The following LTBP4 variants were observed in gnomAD, a reference collection of about 807,000 sequenced individuals.
The protein encoded by LTBP4 is latent-transforming growth factor beta-binding protein 4.
In LTBP4, 93 loss-of-function variants were observed where a neutral mutation model predicts 180.2. That is an observed-to-expected ratio of 0.52 (90% CI 0.44 to 0.61). The LOEUF (loss-of-function observed/expected upper bound fraction) is 0.61. Ranked by LOEUF, LTBP4 falls within the 20% of genes least tolerant of loss-of-function variation. LTBP4 has a pLI of 0.00. For missense variants in LTBP4, 2,116 were observed against 2,256.5 expected, an observed-to-expected ratio of 0.94 and a Z score of 1.26; for synonymous variants, 947 against 934.5, an observed-to-expected ratio of 1.01 and a Z score of -0.24.
At chr19:40,597,263 G>C (rs1261826857), upstream of LTBP4, 1 of 1,510,108 alleles carries the variant, frequency 6.6e-7, no homozygotes, top group Non-Finnish European at 8.8e-7. Flanking sequence ...AGCGGCCGCC[G>C]CCCCCTCCTG....
chr19:40,619,647 G>C (rs1231606908), intron 22 of LTBP4, among the ~76,000 whole-genome samples, 154 bp downstream of exon 22: 1 of 152,226 alleles, frequency 6.6e-6, no homozygotes, highest in Non-Finnish European at 1.5e-5. Flanking sequence ...TAGTGAGACT[G>C]TGTCAGGAGA....
chr19:40,609,641 C>T lies in LTBP4; in HGVS notation c.1538C>T (p.Pro513Leu), dbSNP rs779822161. 19 of 1,613,094 alleles carry T rather than the reference C, an allele frequency of 1.2e-5. No individual in the cohort carries two copies. The highest frequency in any genetic ancestry group is 1.7e-5 in the Admixed American group (1 of 59,988). ...TGCGACTCTGGCTTCCGGCTCAGCC[C>T]CCAGGGCACCCGATGCATTGGTGAG... The part of the protein sequence containing the change: ...CACDSGFRLS[P>L]QGTRCIDVDE... Residue 513 changes from proline to leucine, a missense_variant, in exon 10 of 30, where the codon CCC becomes CTC. By Grantham distance (98) the Pro-to-Leu change is moderately conservative. Transcript: ENST00000396819. This position sits in a 1 kb window ranked among gnomAD's most constrained non-coding sequence, Gnocchi z 4.9.
upstream of LTBP4, chr19:40,600,105 C>T (rs983264521): frequency 3.2e-6 from 4 of 1,258,912 alleles, no homozygotes; most frequent in Non-Finnish European, 4.0e-6. This position sits in a 1 kb window ranked among gnomAD's most constrained non-coding sequence, Gnocchi z 4.4. Flanking sequence ...GCGGCGGCGG[C>T]CCCGGGGGCC....
At chr19:40,619,233 G>C in intron 21 of LTBP4, 114 bp from the exon 22 acceptor site, 1 of 1,063,762 alleles carries the variant, frequency 9.4e-7, no homozygotes, top group Non-Finnish European at 1.4e-6. Context: ...CAGATGATGG[G>C]ATCTGGGCCA....
chr19:40,613,495 C>T lies in LTBP4; in HGVS notation c.2523C>T (p.Gly841=), dbSNP rs1266407708. 3.2e-6 allele frequency: 5 copies of T among 1,582,706 alleles called. No individual in the cohort carries two copies. Among genetic ancestry groups the T allele is most frequent in the Non-Finnish European group, 4.3e-6 (5 of 1,165,244 alleles). The change falls in exon 17 of 30, where the codon GGC becomes GGT. Residue 841 remains glycine, a synonymous_variant. Coordinates refer to ENST00000396819, the MANE Select transcript of LTBP4 (RefSeq NM_001042545.2). This position sits in a 1 kb window ranked among gnomAD's most constrained non-coding sequence, Gnocchi z 5.0. ...CCTTTGCCTGTACTTGTGCCCCTGG[C>T]TACCGACCCGGACCCCGCGGAGCCT... ...DGSFACTCAP[G]YRPGPRGASC... is the part of the protein sequence containing the mutation.
rs1202730026 is a variant in LTBP4 at position 40,605,818 on chromosome 19, C to T, written c.780C>T (p.Cys260=). Residue 260 remains cysteine, a synonymous_variant, in exon 4 of 30, where the codon TGC becomes TGT. Transcript: ENST00000396819. The surrounding 1 kb of genome is among the most constrained non-coding windows in gnomAD (Gnocchi z 5.5). ...LAWGVHDCQL[C]SERLGNSERV... Reference sequence around the variant, plus strand: ...GGGGCGTTCACGACTGTCAGCTGTGCTCCGAGCGCCTGGGTAAGCCCCAGG... The same window carrying T: ...GGGGCGTTCACGACTGTCAGCTGTGTTCCGAGCGCCTGGGTAAGCCCCAGG... 10 of 1,538,210 alleles carry T rather than the reference C, an allele frequency of 6.5e-6. No homozygotes were observed. Among genetic ancestry groups the T allele is most frequent in the Admixed American group, 2.0e-5 (1 of 50,978 alleles).
rs2081638052 is a variant in LTBP4, at chr19:40,626,983, G to A, written c.3994G>A (p.Glu1332Lys). 14 of 1,554,662 alleles carry A rather than the reference G, an allele frequency of 9.0e-6. No individual in the cohort carries two copies. The highest frequency in any genetic ancestry group is 1.2e-5 in the South Asian group (1 of 82,330). ...TTGGCTCCTGTTCCCAGATGACTTCGAGGCCCTGTGCAATGTGCTACGCCC... is the reference window on the plus strand; with the variant it reads ...TTGGCTCCTGTTCCCAGATGACTTCAAGGCCCTGTGCAATGTGCTACGCCC... ...LCPAQDSDDF[E>K]ALCNVLRPPA... is the part of the protein sequence containing the mutation. Residue 1332 changes from glutamate (E) to lysine (K), a missense_variant, in exon 28 of 30, where the codon GAG becomes AAG. By Grantham distance (56) the Glu-to-Lys change is moderately conservative. Around this residue, in one of 5 missense-constraint regions of LTBP4, gnomAD observed 488 missense variants for 458.8 expected, o/e 1.06. Transcript: ENST00000396819.
chr19:40,595,716 G>A (rs2081386299), intron 1 of LTBP4, among the ~76,000 whole-genome samples: 1 of 151,792 alleles, frequency 6.6e-6, no homozygotes, highest in African/African-American at 2.4e-5. Context: ...CTTTTATATA[G>A]TTTTATGTAT....
chr19:40,613,552 G>A lies in LTBP4; in HGVS notation c.2557+23G>A. ...TCGGTTCGTACCCGGGCTGATCCTG[G>A]CCCCGGAAAGGGTGGGCTTAGGGCA... On this transcript the variant is annotated intron_variant, in intron 17 of 29. Coordinates refer to ENST00000396819, the MANE Select transcript of LTBP4 (RefSeq NM_001042545.2). This position sits in a 1 kb window ranked among gnomAD's most constrained non-coding sequence, Gnocchi z 5.0. The A allele has an allele frequency of 6.4e-7, 1 of 1,557,086 alleles. No individual in the cohort carries two copies. Among genetic ancestry groups the A allele is most frequent in the Non-Finnish European group, 8.7e-7 (1 of 1,152,678 alleles).
Position 40,629,446 on chromosome 19 carries a change from G to A in LTBP4, c.4570G>A (p.Ala1524Thr), listed in dbSNP as rs931998960. 5.6e-6 allele frequency: 9 copies of A among 1,612,376 alleles called. No homozygotes were observed. In the African/African-American group the frequency reaches 6.7e-5, roughly 12 times the overall value. The change falls in exon 30 of 30, where the codon GCG (alanine) becomes ACG (threonine). Residue 1524 changes from alanine (A) to threonine (T), a missense_variant. By Grantham distance (58) the Ala-to-Thr change is moderately conservative (BLOSUM62 0). Transcript: ENST00000396819. This position sits in a 1 kb window ranked among gnomAD's most constrained non-coding sequence, Gnocchi z 4.5. ...AEAASPLCVN[A>T]RCLNTDGSFR... ...GGCTGCCTCCCCGCTGTGCGTCAACGCGCGTTGCCTCAACACGGATGGCTC... is the reference window on the plus strand; with the variant it reads ...GGCTGCCTCCCCGCTGTGCGTCAACACGCGTTGCCTCAACACGGATGGCTC...
At chr19:40,600,337 GT>G (rs2146014009), upstream of LTBP4, among the ~76,000 whole-genome samples, 1 of 152,270 alleles carries the variant, frequency 6.6e-6, no homozygotes, top group East Asian at 1.9e-4. This position sits in a 1 kb window ranked among gnomAD's most constrained non-coding sequence, Gnocchi z 4.4. Context: ...GCGTCCGGCC[GT>G]GCGAGGTGAG....
upstream of LTBP4, among the ~76,000 whole-genome samples, chr19:40,596,762 G>T (rs927725834): frequency 6.6e-6 from 1 of 152,112 alleles, no homozygotes; most frequent in Admixed American, 6.6e-5. Context: ...GGGTACCCGT[G>T]GGGGGCTTCC....
In LTBP4 at chr19:40,612,157, C is replaced by T. The variant is rs565966095; in HGVS notation, c.2264C>T (p.Pro755Leu). ...SPGSFQCRTCPSGHHLHRGRC... is the reference protein window; with the variant it reads ...SPGSFQCRTCLSGHHLHRGRC... ...GGCTCCTTCCAGTGCAGGACCTGTCCTTCTGGCCACCACCTGCACCGTGGC... is the reference window on the plus strand; with the variant it reads ...GGCTCCTTCCAGTGCAGGACCTGTCTTTCTGGCCACCACCTGCACCGTGGC... Residue 755 changes from proline (P) to leucine (L), a missense_variant, in exon 15 of 30, where the codon CCT (proline) becomes CTT (leucine). By Grantham distance (98) the Pro-to-Leu change is moderately conservative. Around this residue, in one of 5 missense-constraint regions of LTBP4, gnomAD observed 877 missense variants for 873.6 expected, o/e 1.00. Transcript: ENST00000396819. The T allele has an allele frequency of 2.5e-6, 4 of 1,611,286 alleles. No homozygotes were observed. In the African/African-American group the frequency reaches 4.0e-5, roughly 16 times the overall value.
Position 40,605,488 on chromosome 19 carries a change from C to A in LTBP4, c.526C>A (p.Pro176Thr). ...GCACCAGGTGGAGCGTGTGTCTGGC[C>A]CTTGGGAGGAGGCGGACGCTGAGGC... ...VVHQVERVSG[P>T]WEEADAEAVA... The change falls in exon 3 of 30, where the codon CCT becomes ACT. Residue 176 changes from proline to threonine, a missense_variant. By Grantham distance (38) the Pro-to-Thr change is conservative. Transcript: ENST00000396819. This position sits in a 1 kb window ranked among gnomAD's most constrained non-coding sequence, Gnocchi z 5.5. 1 of 1,611,676 alleles carries A rather than the reference C, an allele frequency of 6.2e-7. No individual in the cohort carries two copies. Among genetic ancestry groups the A allele is most frequent in the Non-Finnish European group, 8.5e-7 (1 of 1,179,586 alleles).
chr19:40,611,957 C>T lies in LTBP4; in HGVS notation c.2152C>T (p.Pro718Ser), dbSNP rs748390343. 2 of 1,611,812 alleles carry T rather than the reference C, an allele frequency of 1.2e-6. No homozygotes were observed. The highest frequency in any genetic ancestry group is 2.2e-5 in the South Asian group (2 of 90,612). Residue 718 changes from proline to serine, a missense_variant, in exon 14 of 30, where the codon CCC becomes TCC. Pro to Ser is a moderately conservative substitution (Grantham distance 74, BLOSUM62 -1). Transcript: ENST00000396819. The surrounding 1 kb of genome is among the most constrained non-coding windows in gnomAD (Gnocchi z 4.4). ...FQCVCPMGFQ[P>S]NTAGSECEDV... ...GTGTGTCTGCCCCATGGGCTTCCAACCCAACACTGCTGGCTCCGAGTGCGA... is the reference window on the plus strand; with the variant it reads ...GTGTGTCTGCCCCATGGGCTTCCAATCCAACACTGCTGGCTCCGAGTGCGA...
chr19:40,623,635 G>C lies in LTBP4; in HGVS notation c.3588G>C (p.Gln1196His), dbSNP rs2146045400. The change falls in exon 25 of 30, where the codon CAG becomes CAC. Residue 1196 changes from glutamine (Q) to histidine (H), a missense_variant. By Grantham distance (24) the Gln-to-His change is conservative. Transcript: ENST00000396819. The stretch of plus-strand genomic sequence containing the variant: ...ACGAATGTCAGCTCTTCCGAGACCA[G>C]GTGTGCAAGAGTGGCGTGTGTGTGA... Reference protein sequence around the residue: ...DVDECQLFRDQVCKSGVCVNT... With the variant: ...DVDECQLFRDHVCKSGVCVNT... The C allele has an allele frequency of 6.2e-7, 1 of 1,613,792 alleles. No homozygotes were observed. The highest frequency in any genetic ancestry group is 1.7e-5 in the Admixed American group (1 of 60,012).
rs748060173 is a variant in LTBP4 at position 40,617,085 on chromosome 19, G to T, written c.2945-15G>T. 1 of 1,613,988 alleles carries T rather than the reference G, an allele frequency of 6.2e-7. No homozygotes were observed. The highest frequency in any genetic ancestry group is 1.7e-5 in the Admixed American group (1 of 60,024). ...TAGAAGGTCCAGAAATGGCCTGACTGTCTGGTGGTTGCAGATGTGGACGAA... is the reference window on the plus strand; with the variant it reads ...TAGAAGGTCCAGAAATGGCCTGACTTTCTGGTGGTTGCAGATGTGGACGAA... On this transcript the variant is annotated splice_polypyrimidine_tract_variant and intron_variant, in intron 20 of 29. Coordinates refer to ENST00000396819, the MANE Select transcript of LTBP4 (RefSeq NM_001042545.2).
intron 26 of LTBP4, among the ~76,000 whole-genome samples, chr19:40,625,420 C>T (rs1434499969): frequency 6.7e-6 from 1 of 149,684 alleles, no homozygotes; most frequent in Non-Finnish European, 1.5e-5. Flanking sequence ...GCTGGGATTA[C>T]AGGCTCCAAC....
At chr19:40,625,266 A>ATT in intron 26 of LTBP4, among the ~76,000 whole-genome samples, 1 of 2,282 alleles carries the variant, frequency 4.4e-4, no homozygotes, top group Non-Finnish European at 7.6e-4. Flanking sequence ...ATATATATAT[A>ATT]TATATATATA....
Sources: allele counts gnomAD v4.1 joint callset (sites outside exome capture counted in the v4.1 genomes callset), GRCh38; gene constraint gnomAD v4.1.1; regional missense constraint gnomAD v4.1.1; non-coding constraint Gnocchi (gnomAD v3.1); transcripts MANE v1.5; gene names NCBI Gene and HGNC (gene_info 2026-07-23, HGNC 2026-07-21).